The following CDH4 variants were observed in gnomAD, a reference collection of about 807,000 sequenced individuals.
CDH4 encodes the protein cadherin 4.
Under a neutral mutation model 86.0 loss-of-function variants are expected in CDH4, and 33 were observed. The ratio of observed to expected loss-of-function variants is 0.38; its 90% CI spans 0.29 to 0.51. The LOEUF is 0.51. Ranked by LOEUF, CDH4 falls within the 20% of genes least tolerant of loss-of-function variation. The probability of loss-of-function intolerance (pLI) is 0.86; values close to 1 mark genes in which losing one functional copy is unlikely to be tolerated. For synonymous variants in CDH4, 555 were observed against 549.4 expected (o/e 1.01, Z -0.14); for missense variants, 1,114 against 1,307.4 (o/e 0.85, Z 2.28).
chr20:61,734,419 G>A (rs1245329016), intron 2 of CDH4, among the ~76,000 whole-genome samples: 1 of 152,222 alleles, frequency 6.6e-6, no homozygotes, highest in Non-Finnish European at 1.5e-5. Flanking sequence ...TGCAAGCTTT[G>A]TGAATACACA....
chr20:61,685,020 C>T (rs940975026), intron 2 of CDH4, among the ~76,000 whole-genome samples: 1 of 152,136 alleles, frequency 6.6e-6, no homozygotes, highest in African/African-American at 2.4e-5. Flanking sequence ...CTGTTGCTGT[C>T]ATCTAATTGT....
At chr20:61,639,873 TCA>T (rs761992209) in intron 2 of CDH4, among the ~76,000 whole-genome samples, 7 of 152,168 alleles carry the variant, frequency 4.6e-5, no homozygotes, top group Non-Finnish European at 1.0e-4. Context: ...TCTGGCTATC[TCA>T]CAATGAAAAT....
chr20:61,541,399 C>T (rs2086038373), intron 2 of CDH4, among the ~76,000 whole-genome samples: 1 of 152,190 alleles, frequency 6.6e-6, no homozygotes, highest in Non-Finnish European at 1.5e-5. Context: ...GTGTGTTTTC[C>T]ATGTAGGGTG....
intron 5 of CDH4, 61 bp from the exon 6 acceptor site, chr20:61,852,693 C>A: frequency 6.4e-7 from 1 of 1,554,434 alleles, no homozygotes; most frequent in Non-Finnish European, 8.7e-7. Flanking sequence ...GGTCCCAGGC[C>A]GCTCTCAGCT....
intron 2 of CDH4, among the ~76,000 whole-genome samples, chr20:61,729,448 A>G (rs944760905): frequency 3.3e-5 from 5 of 152,134 alleles, no homozygotes; most frequent in African/African-American, 4.8e-5. Flanking sequence ...TTTTTCTTGA[A>G]CAGAGAACTG....
At chr20:61,855,872 G>A (rs557792948) in intron 6 of CDH4, among the ~76,000 whole-genome samples, 2 of 152,294 alleles carry the variant, frequency 1.3e-5, no homozygotes, top group African/African-American at 4.8e-5. Flanking sequence ...TGAGTGAAAC[G>A]TCCATGGACT....
intron 2 of CDH4, among the ~76,000 whole-genome samples, chr20:61,573,733 CAGCCGA>C (rs1480959845): frequency 1.2e-4 from 18 of 152,226 alleles, no homozygotes; most frequent in African/African-American, 4.3e-4. Context: ...GAAGGGGCAA[CAGCCGA>C]TGTGCTCTGG....
At chr20:61,379,343 C>T (rs1439748456) in intron 2 of CDH4, among the ~76,000 whole-genome samples, 2 of 152,040 alleles carry the variant, frequency 1.3e-5, no homozygotes, top group Non-Finnish European at 2.9e-5. Flanking sequence ...AACAGGGCAG[C>T]AGTGGCATGG....
At chr20:61,907,366 C>T (rs1390707255) in intron 8 of CDH4, among the ~76,000 whole-genome samples, 1 of 151,924 alleles carries the variant, frequency 6.6e-6, no homozygotes, top group Non-Finnish European at 1.5e-5. Context: ...CCCAGGATCC[C>T]GTGTGGCCAC....
chr20:61,616,558 G>A (rs1295046751), intron 2 of CDH4, among the ~76,000 whole-genome samples: 1 of 152,232 alleles, frequency 6.6e-6, no homozygotes, highest in African/African-American at 2.4e-5. Flanking sequence ...CTGCTCCAGG[G>A]AGGGTCAGAG....
chr20:61,298,318 CG>C (rs2123198696), intron 2 of CDH4, among the ~76,000 whole-genome samples: 1 of 152,176 alleles, frequency 6.6e-6, no homozygotes, highest in South Asian at 2.1e-4. Context: ...GGGGATTAGA[CG>C]GAAGTGCACA....
intron 2 of CDH4, among the ~76,000 whole-genome samples, chr20:61,693,034 G>A (rs2087676572): frequency 6.6e-6 from 1 of 152,122 alleles, no homozygotes. Flanking sequence ...GAGGGAGAAT[G>A]CCAGCTGGGT....
chr20:61,446,430 G>A (rs1160647074), intron 2 of CDH4, among the ~76,000 whole-genome samples: 3 of 152,098 alleles, frequency 2.0e-5, no homozygotes, highest in African/African-American at 4.8e-5. Flanking sequence ...AAGATCTAGC[G>A]TCATACTTTT....
intron 8 of CDH4, among the ~76,000 whole-genome samples, chr20:61,904,259 G>A (rs763466676): frequency 1.8e-4 from 27 of 152,296 alleles, no homozygotes; most frequent in African/African-American, 5.1e-4. Flanking sequence ...CAGGGGCTGC[G>A]GCTCTCTCGT....
chr20:61,370,689 A>AG (rs2084835240), intron 2 of CDH4: 1 of 152,218 alleles, frequency 6.6e-6, no homozygotes, highest in Non-Finnish European at 1.5e-5. Flanking sequence ...TCAATGGTAA[A>AG]TTTTTACAAT....
At chr20:61,528,139 G>C (rs1157980167) in intron 2 of CDH4, among the ~76,000 whole-genome samples, 3 of 151,542 alleles carry the variant, frequency 2.0e-5, no homozygotes, top group Admixed American at 2.0e-4. Flanking sequence ...ACTTTGGGAG[G>C]CTGAGGTGGG....
At chr20:61,827,009 GTA>G (rs1452836602) in intron 4 of CDH4, among the ~76,000 whole-genome samples, 27 of 134,326 alleles carry the variant, frequency 2.0e-4, no homozygotes, top group Admixed American at 7.6e-5. Flanking sequence ...GTGTGTGTGT[GTA>G]TGTGTTTCCT....
rs576106404 is a variant in CDH4 at position 61,271,482 on chromosome 20, T to C, written c.169+16545T>C. On this transcript the variant is annotated intron_variant, in intron 2 of 15. Coordinates refer to ENST00000614565, the MANE Select transcript of CDH4 (RefSeq NM_001794.5). Reference sequence around the variant, plus strand: ...GCACAGCAGAGAGGACAGCGGGCTGTCTTTGTCATTTCTTTGTGAGCAGAG... The same window carrying C: ...GCACAGCAGAGAGGACAGCGGGCTGCCTTTGTCATTTCTTTGTGAGCAGAG... 5.9e-5 allele frequency among the ~76,000 whole-genome samples: 9 copies of C among 152,238 alleles called. No individual in the cohort carries two copies. The South Asian group carries it at 1.9e-3, about 32-fold the overall frequency.
At chr20:61,876,258 C>T (rs1181672968) in intron 7 of CDH4, among the ~76,000 whole-genome samples, 2 of 152,208 alleles carry the variant, frequency 1.3e-5, no homozygotes, top group African/African-American at 4.8e-5. Flanking sequence ...GCCATCAGCT[C>T]CTGGTGTGTG....
Sources: gnomAD v4.1 joint callset for allele counts (sites outside exome capture counted in the v4.1 genomes callset) on GRCh38, gnomAD v4.1.1 for gene constraint, MANE v1.5 for transcripts, NCBI Gene and HGNC (gene_info 2026-07-23, HGNC 2026-07-21) for gene names.